Variants in INTS6 observed in about 807,000 individuals in gnomAD.
INTS6 encodes the protein DEAD box protein.
INTS6 carries 16 observed loss-of-function variants against 104.9 expected under a neutral mutation model. The observed-to-expected ratio is 0.15, with a 90% CI of 0.10 to 0.23. The LOEUF (loss-of-function observed/expected upper bound fraction) is 0.23, where lower values mean the gene tolerates loss of function less well. INTS6 is among the 10% of genes least tolerant of loss of function. The pLI, the probability that INTS6 is intolerant of heterozygous loss-of-function variation, is 1.00. For synonymous variants in INTS6, 324 were observed against 358.7 expected (o/e 0.90, Z 1.09); for missense variants, 584 against 1,062.8 (o/e 0.55, Z 6.26).
intron 4 of INTS6, among the ~76,000 whole-genome samples, chr13:51,414,522 C>A (rs566617751): frequency 1.3e-5 from 2 of 152,228 alleles, no homozygotes; most frequent in East Asian, 3.9e-4. Flanking sequence ...TAAATCTTTC[C>A]GTGATTTAAT....
intron 4 of INTS6, among the ~76,000 whole-genome samples, chr13:51,424,629 G>A (rs1477127759): frequency 1.3e-5 from 2 of 151,940 alleles, no homozygotes; most frequent in East Asian, 3.9e-4. Flanking sequence ...CTTATTAAAT[G>A]TTCTTAGAAA....
intron 3 of INTS6, 179 bp downstream of exon 3, chr13:51,450,846 A>T (rs77392775): frequency 1.6e-6 from 2 of 1,220,396 alleles, no homozygotes; most frequent in Non-Finnish European, 2.0e-6. Context: ...AGGGGGAAAA[A>T]ATGAGGGATG....
At chr13:51,406,350 A>C (rs1956565478) in intron 4 of INTS6, among the ~76,000 whole-genome samples, 1 of 152,154 alleles carries the variant, frequency 6.6e-6, no homozygotes, top group African/African-American at 2.4e-5. Context: ...AACTGAACTT[A>C]AGATTTTCCT....
In INTS6 at chr13:51,375,734, G is replaced by GGTGTGTGTGT. The variant is rs71684515; in HGVS notation, c.1729+304_1729+313dup. On this transcript the variant is annotated intron_variant, in intron 13 of 17. Coordinates refer to ENST00000311234, the MANE Select transcript of INTS6 (RefSeq NM_012141.3). ...TTTTAAGTATACAGTTTGATAAGTG[G>GGTGTGTGTGT]GTGTGTGTGTGTGTGTGTGTGTGTG... Among the ~76,000 whole-genome samples the GGTGTGTGTGT allele has an allele frequency of 3.1e-3, 455 of 147,678 alleles. 1 individual carries two copies. Among genetic ancestry groups the GGTGTGTGTGT allele is most frequent in the African/African-American group, 9.9e-3 (405 of 40,954 alleles).
the INTS6 span, among the ~76,000 whole-genome samples, chr13:51,345,836 T>G: frequency 6.6e-6 from 1 of 152,228 alleles, no homozygotes; most frequent in Non-Finnish European, 1.5e-5. Context: ...CAGCTCCCAG[T>G]GCAGGCTGAT....
At chr13:51,351,382 C>T (rs888763107), downstream of INTS6, among the ~76,000 whole-genome samples, 4 of 152,114 alleles carry the variant, frequency 2.6e-5, no homozygotes, top group Non-Finnish European at 5.9e-5. Flanking sequence ...ACTTCATTTG[C>T]ATTTCCCTAA....
chr13:51,389,693 T>C (rs1047610078), intron 5 of INTS6, among the ~76,000 whole-genome samples: 6 of 152,282 alleles, frequency 3.9e-5, no homozygotes, highest in Non-Finnish European at 4.4e-5. Flanking sequence ...TTACAGGTAT[T>C]TGGAACATAG....
At chr13:51,450,901 G>A in intron 3 of INTS6, 124 bp downstream of exon 3, 1 of 1,339,234 alleles carries the variant, frequency 7.5e-7, no homozygotes, top group Non-Finnish European at 9.6e-7. Flanking sequence ...TGAACAATGT[G>A]CATATTCTAT....
Position 51,452,625 on chromosome 13 carries a change from G to A in INTS6, c.-100C>T, listed in dbSNP as rs1953089014. On this transcript the variant is annotated 5_prime_UTR_variant, in exon 1 of 18. Transcript: ENST00000311234. The surrounding 1 kb of genome is among the most constrained non-coding windows in gnomAD (Gnocchi z 4.2). ...GCGACCGCCGCTACGCGGGGCGGGG[G>A]AGCACGGCCCCCGGGAGGAAAACAC... 3 of 1,533,202 alleles carry A rather than the reference G, an allele frequency of 2.0e-6. No homozygotes were observed. The highest frequency in any genetic ancestry group is 1.4e-5 in the African/African-American group (1 of 70,706). The allele number at this position is 1,533,202 out of a possible 1,614,324, so 95.0% of individuals were successfully genotyped here. A position where few individuals can be genotyped will look rare whatever the true frequency, so the allele number is the denominator to read the frequency against.
chr13:51,451,069 A>G lies in INTS6; in HGVS notation c.295T>C (p.Leu99=). 1 of 1,564,724 alleles carries G rather than the reference A, an allele frequency of 6.4e-7. No homozygotes were observed. ...CCAGTTACTAATCTATTTAAATTTA[A>G]TAAATCAAAAGCTGTCCTTAGGGAT... The part of the protein sequence containing the change: ...GQSLRTAFDL[L]NLNRLVTGID... Residue 99 remains leucine (L), a synonymous_variant, in exon 3 of 18, where the codon TTA becomes CTA. Coordinates refer to ENST00000311234, the MANE Select transcript of INTS6 (RefSeq NM_012141.3).
chr13:51,365,870 C>T (rs766648840), intron 17 of INTS6, 25 bp from the exon 18 acceptor site: 1 of 1,372,304 alleles, frequency 7.3e-7, no homozygotes, highest in Non-Finnish European at 1.0e-6. Context: ...AAATAGTACT[C>T]TCAATTACTT....
downstream of INTS6, among the ~76,000 whole-genome samples, chr13:51,349,314 T>TAAGGGCCAAGGTCTA (rs1717122206): frequency 3.3e-5 from 5 of 152,202 alleles, no homozygotes; most frequent in South Asian, 1.0e-3. Flanking sequence ...CCCAGTAAGT[T>TAAGGGCCAAGGTCTA]AAGGGCCAAG....
chr13:51,400,995 A>C (rs1254506820), intron 4 of INTS6, among the ~76,000 whole-genome samples: 2 of 152,230 alleles, frequency 1.3e-5, no homozygotes, highest in Admixed American at 1.3e-4. Context: ...TATGAAGATA[A>C]TTGTCAAAAG....
intron 10 of INTS6, among the ~76,000 whole-genome samples, chr13:51,380,525 C>T (rs1386934072): frequency 1.3e-5 from 2 of 152,084 alleles, no homozygotes; most frequent in African/African-American, 4.8e-5. Flanking sequence ...AGTGTTTGTT[C>T]TTTTTTGTCC....
At chr13:51,384,679 A>G (rs1956108251) in intron 7 of INTS6, 1 of 456,542 alleles carries the variant, frequency 2.2e-6, no homozygotes, top group African/African-American at 2.0e-5. Context: ...TCTTCCCCTC[A>G]TCCTCCATAT....
intron 4 of INTS6, among the ~76,000 whole-genome samples, chr13:51,414,863 C>CAA: frequency 6.6e-6 from 1 of 151,036 alleles, no homozygotes; most frequent in Non-Finnish European, 1.5e-5. Context: ...CACACACACA[C>CAA]ACACACAGTT....
At chr13:51,441,430 G>C (rs1952795518) in intron 3 of INTS6, 1 of 152,178 alleles carries the variant, frequency 6.6e-6, no homozygotes, top group Non-Finnish European at 1.5e-5. Context: ...GTGAGGCTGA[G>C]AGGTTATACG....
chr13:51,336,705 C>T, the INTS6 span, among the ~76,000 whole-genome samples: 2 of 152,112 alleles, frequency 1.3e-5, no homozygotes, highest in Non-Finnish European at 2.9e-5. Context: ...CATGATAAGG[C>T]TGTTTGCTGT....
intron 3 of INTS6, chr13:51,444,801 T>TC (rs1555292169): frequency 1.5e-5 from 2 of 134,794 alleles, no homozygotes; most frequent in Non-Finnish European, 3.2e-5. Flanking sequence ...TTCATTTTTC[T>TC]TTTTTTTTTT....
Sources: gnomAD v4.1 joint callset for allele counts (sites outside exome capture counted in the v4.1 genomes callset) on GRCh38, gnomAD v4.1.1 for gene constraint, Gnocchi (gnomAD v3.1) non-coding constraint, MANE v1.5 for transcripts, NCBI Gene and HGNC (gene_info 2026-07-23, HGNC 2026-07-21) for gene names.